The following XIRP2 variants were observed in gnomAD, a reference collection of about 807,000 sequenced individuals.
The protein encoded by XIRP2 is xin actin-binding repeat-containing protein 2.
In XIRP2, 236 loss-of-function variants were observed where a neutral mutation model predicts 277.0. That is an observed-to-expected ratio of 0.85 (90% CI 0.77 to 0.95). XIRP2 has a LOEUF of 0.95. Among genes scored for constraint, XIRP2 ranks in the 40% least tolerant of loss-of-function variants. XIRP2 has a pLI of 0.00. For missense variants in XIRP2, 4,640 were observed against 4,157.5 expected (o/e 1.12, Z -3.19); for synonymous variants, 1,490 against 1,416.5 (o/e 1.05, Z -1.17).
At chr2:167,217,715 A>G (rs1157280238) in intron 4 of XIRP2, among the ~76,000 whole-genome samples, 1 of 152,144 alleles carries the variant, frequency 6.6e-6, no homozygotes, top group Non-Finnish European at 1.5e-5. Flanking sequence ...ATCCTTAATA[A>G]TTTTAAGTTT....
At chr2:167,024,780 A>G (rs1467410458) in intron 2 of XIRP2, among the ~76,000 whole-genome samples, 1 of 152,228 alleles carries the variant, frequency 6.6e-6, no homozygotes, top group African/African-American at 2.4e-5. Flanking sequence ...ATGTTGAACC[A>G]GCCTTGCATC....
intron 4 of XIRP2, among the ~76,000 whole-genome samples, chr2:167,214,361 C>T (rs1284570821): frequency 6.7e-6 from 1 of 150,116 alleles, no homozygotes; most frequent in African/African-American, 2.5e-5. Context: ...CCAGTAATCC[C>T]AGCTACTCAG....
At chr2:167,014,889 A>G (rs1421737001) in intron 2 of XIRP2, among the ~76,000 whole-genome samples, 1 of 151,796 alleles carries the variant, frequency 6.6e-6, no homozygotes, top group Non-Finnish European at 1.5e-5. Flanking sequence ...GGATTTGTGT[A>G]TCCCTCTAAA....
At chr2:166,909,935 A>G (rs1025174652) in intron 2 of XIRP2, among the ~76,000 whole-genome samples, 3 of 152,132 alleles carry the variant, frequency 2.0e-5, no homozygotes, top group Non-Finnish European at 4.4e-5. Context: ...CGTATGTTGA[A>G]CCAGCCTTGC....
intron 2 of XIRP2, among the ~76,000 whole-genome samples, chr2:166,979,061 C>G (rs1686792285): frequency 6.6e-6 from 1 of 152,158 alleles, no homozygotes; most frequent in Non-Finnish European, 1.5e-5. Context: ...TTGTTGATAT[C>G]ATAGGAATTT....
At chr2:167,079,574 A>G (rs112679013) in intron 2 of XIRP2, among the ~76,000 whole-genome samples, 5 of 152,218 alleles carry the variant, frequency 3.3e-5, no homozygotes, top group African/African-American at 1.2e-4. Flanking sequence ...TGGAGGCTGT[A>G]TGTTTCCAGG....
At chr2:167,151,654 T>G (rs1394324255) in intron 3 of XIRP2, among the ~76,000 whole-genome samples, 1 of 152,190 alleles carries the variant, frequency 6.6e-6, no homozygotes, top group Non-Finnish European at 1.5e-5. Flanking sequence ...AGTATGATTA[T>G]TAAAATGCAG....
At chr2:167,194,160 C>T (rs1234269125) in intron 3 of XIRP2, among the ~76,000 whole-genome samples, 1 of 151,804 alleles carries the variant, frequency 6.6e-6, no homozygotes, top group Non-Finnish European at 1.5e-5. Context: ...CGGCTCACTG[C>T]AACCTCCGCC....
rs1236676554 is a variant in XIRP2 at position 166,923,691 on chromosome 2, C to A, written c.408+19801C>A. On this transcript the variant is annotated intron_variant, in intron 2 of 10. Coordinates refer to ENST00000409195, the MANE Select transcript of XIRP2 (RefSeq NM_152381.6). ...TGGTAGCCGAACTTCCCCTTAAATA[C>A]TTGCAGTTTCAAGGAGTTCACACTT... Among the ~76,000 whole-genome samples the A allele has an allele frequency of 4.6e-5, 7 of 152,090 alleles. No homozygotes were observed. In the South Asian group the frequency reaches 1.4e-3, roughly 31 times the overall value.
At chr2:167,025,694 G>T (rs1320501620) in intron 2 of XIRP2, among the ~76,000 whole-genome samples, 2 of 152,088 alleles carry the variant, frequency 1.3e-5, no homozygotes, top group Non-Finnish European at 2.9e-5. Context: ...CTTTATGTCT[G>T]CCTTCATTTC....
At chr2:167,027,348 G>C (rs1688195317) in intron 2 of XIRP2, among the ~76,000 whole-genome samples, 1 of 152,062 alleles carries the variant, frequency 6.6e-6, no homozygotes, top group African/African-American at 2.4e-5. Flanking sequence ...TTGGCTTTCA[G>C]CTCCATCATC....
chr2:167,054,302 G>A (rs566422433), intron 2 of XIRP2, among the ~76,000 whole-genome samples: 1 of 152,246 alleles, frequency 6.6e-6, no homozygotes, highest in South Asian at 2.1e-4. Context: ...TCTGTTCCTT[G>A]ATAGAAAGCA....
chr2:167,238,624 A>C (rs1694966742), intron 5 of XIRP2, among the ~76,000 whole-genome samples: 1 of 152,112 alleles, frequency 6.6e-6, no homozygotes, highest in East Asian at 1.9e-4. Flanking sequence ...TTACTGCAAA[A>C]AACGTTTTAG....
chr2:167,258,938 A>T lies in XIRP2; in HGVS notation c.*1121A>T. 6.2e-7 allele frequency: 1 copy of T among 1,613,152 alleles called. No individual in the cohort carries two copies. The highest frequency in any genetic ancestry group is 8.5e-7 in the Non-Finnish European group (1 of 1,179,596). ...TGGCAGTCCTGTGCAGCCTGCTCCA[A>T]AACCAAGCCTCAGCAGAGGCCTTAT... On this transcript the variant is annotated 3_prime_UTR_variant, in exon 11 of 11. Transcript: ENST00000409195.
chr2:166,978,122 T>C (rs1297479553), intron 2 of XIRP2, among the ~76,000 whole-genome samples: 1 of 152,200 alleles, frequency 6.6e-6, no homozygotes, highest in Non-Finnish European at 1.5e-5. Flanking sequence ...AATATTATTG[T>C]TCAAAAATAT....
intron 2 of XIRP2, among the ~76,000 whole-genome samples, chr2:167,026,467 T>A (rs1209299237): frequency 6.6e-6 from 1 of 152,176 alleles, no homozygotes; most frequent in African/African-American, 2.4e-5. Flanking sequence ...TTAAAGTTAA[T>A]ATTGTTATGT....
At chr2:166,934,988 G>T (rs182728995) in intron 2 of XIRP2, among the ~76,000 whole-genome samples, 89 of 152,112 alleles carry the variant, frequency 5.9e-4, no homozygotes, top group African/African-American at 2.1e-3. Flanking sequence ...CTGAGATTGT[G>T]CCAGTGCTCT....
At chr2:167,007,399 A>T (rs923541520) in intron 2 of XIRP2, among the ~76,000 whole-genome samples, 1 of 151,646 alleles carries the variant, frequency 6.6e-6, no homozygotes, top group African/African-American at 2.4e-5. Flanking sequence ...TTAGATTATA[A>T]ACTGTAGTCA....
chr2:167,244,783 T>C lies in XIRP2; in HGVS notation c.3391T>C (p.Phe1131Leu). Residue 1131 changes from phenylalanine to leucine, a missense_variant, in exon 9 of 11, where the codon TTT becomes CTT. Physicochemically the swap from Phe to Leu is conservative, Grantham distance 22. Coordinates refer to ENST00000409195, the MANE Select transcript of XIRP2 (RefSeq NM_152381.6). ...KGDVKTCTWL[F>L]ETQPLDTIKD... ...AGATGTCAAAACTTGTACTTGGCTCTTTGAAACTCAGCCACTTGATACCAT... is the reference window on the plus strand; with the variant it reads ...AGATGTCAAAACTTGTACTTGGCTCCTTGAAACTCAGCCACTTGATACCAT... 6.2e-7 allele frequency: 1 copy of C among 1,613,616 alleles called. No homozygotes were observed.
Sources: allele counts gnomAD v4.1 joint callset (sites outside exome capture counted in the v4.1 genomes callset), GRCh38; gene constraint gnomAD v4.1.1; transcripts MANE v1.5; gene names NCBI Gene and HGNC (gene_info 2026-07-23, HGNC 2026-07-21).